The following ARFIP1 variants were observed in gnomAD, a reference collection of about 807,000 sequenced individuals.
The protein encoded by ARFIP1 is ARF interacting protein 1.
In ARFIP1, 24 loss-of-function variants were observed where a neutral mutation model predicts 42.5. The observed-to-expected ratio is 0.57, with a 90% CI of 0.41 to 0.80. The LOEUF is 0.80. ARFIP1 is among the 30% of genes least tolerant of loss of function. The pLI is 0.00. For missense variants in ARFIP1, 354 were observed against 434.0 expected (o/e 0.82, Z 1.64); for synonymous variants, 141 against 153.7 (o/e 0.92, Z 0.61).
intron 1 of ARFIP1, among the ~76,000 whole-genome samples, chr4:152,782,969 C>T (rs767359814): frequency 6.6e-6 from 1 of 152,112 alleles, no homozygotes; most frequent in African/African-American, 2.4e-5. Context: ...AAGTTTTCCT[C>T]TGTCTAGCAA....
chr4:152,785,550 G>C (rs1046055132), intron 1 of ARFIP1, among the ~76,000 whole-genome samples: 1 of 152,160 alleles, frequency 6.6e-6, no homozygotes, highest in Non-Finnish European at 1.5e-5. Flanking sequence ...CGATCTTCCC[G>C]CCTTGGCCTC....
chr4:152,823,615 C>T (rs1030933336), intron 1 of ARFIP1, among the ~76,000 whole-genome samples: 1 of 151,508 alleles, frequency 6.6e-6, no homozygotes, highest in African/African-American at 2.4e-5. Flanking sequence ...CCCGTCTCTA[C>T]TAAAAATACA....
At chr4:152,880,039 T>G (rs1735695585) in intron 5 of ARFIP1, among the ~76,000 whole-genome samples, 1 of 151,974 alleles carries the variant, frequency 6.6e-6, no homozygotes, top group Non-Finnish European at 1.5e-5. Context: ...TTAGATACTT[T>G]TTAAAAATTA....
intron 2 of ARFIP1, among the ~76,000 whole-genome samples, chr4:152,834,310 T>C (rs1731477918): frequency 6.6e-6 from 1 of 152,138 alleles, no homozygotes; most frequent in South Asian, 2.1e-4. Flanking sequence ...TTCTCACATT[T>C]CAAAATGTAG....
chr4:152,797,051 T>C (rs1731514776), intron 1 of ARFIP1, among the ~76,000 whole-genome samples: 2 of 152,232 alleles, frequency 1.3e-5, no homozygotes, highest in African/African-American at 2.4e-5. Flanking sequence ...CCTTTCCCTA[T>C]ACCAACTTTG....
chr4:152,787,396 G>T (rs1730870894), intron 1 of ARFIP1, among the ~76,000 whole-genome samples: 1 of 152,164 alleles, frequency 6.6e-6, no homozygotes, highest in African/African-American at 2.4e-5. Context: ...ATCAAAGTCA[G>T]AATGCAGGTG....
intron 5 of ARFIP1, among the ~76,000 whole-genome samples, chr4:152,876,175 G>C (rs1267197897): frequency 6.6e-6 from 1 of 152,194 alleles, no homozygotes; most frequent in Non-Finnish European, 1.5e-5. Context: ...AGCGACTGTG[G>C]AACTGGGTAA....
chr4:152,905,734 G>A (rs1180424967), intron 8 of ARFIP1, among the ~76,000 whole-genome samples: 1 of 151,228 alleles, frequency 6.6e-6, no homozygotes, highest in Admixed American at 6.6e-5. Flanking sequence ...TATATTTTTA[G>A]TAGAGACAGG....
intron 1 of ARFIP1, among the ~76,000 whole-genome samples, chr4:152,790,973 A>G (rs903316546): frequency 6.6e-5 from 10 of 151,840 alleles, no homozygotes; most frequent in Non-Finnish European, 1.2e-4. Context: ...CCTGGGCTTA[A>G]GTGATCCACT....
At chr4:152,788,821 T>C (rs1212328903) in intron 1 of ARFIP1, among the ~76,000 whole-genome samples, 3 of 101,200 alleles carry the variant, frequency 3.0e-5, no homozygotes, top group East Asian at 2.8e-4. Context: ...TTTTTTTTTT[T>C]CTGTTCAAGG....
chr4:152,866,532 G>A (rs1734368558), intron 3 of ARFIP1, among the ~76,000 whole-genome samples: 1 of 104,736 alleles, frequency 9.5e-6, no homozygotes, highest in African/African-American at 4.0e-5. Context: ...CGGGGCGGCT[G>A]GCCGCGCGGG....
chr4:152,848,113 C>T (rs1732709648), intron 2 of ARFIP1, among the ~76,000 whole-genome samples: 2 of 152,042 alleles, frequency 1.3e-5, no homozygotes, highest in Non-Finnish European at 2.9e-5. Context: ...ATCTCGGAGT[C>T]TCACTATGTT....
intron 7 of ARFIP1, 143 bp downstream of exon 7, chr4:152,883,023 A>C: frequency 2.5e-6 from 2 of 811,948 alleles, no homozygotes; most frequent in Non-Finnish European, 3.7e-6. Context: ...ATGCCTCTAC[A>C]GACCTGGCAG....
At chr4:152,789,993 CTA>C (rs1731056509) in intron 1 of ARFIP1, among the ~76,000 whole-genome samples, 1 of 152,182 alleles carries the variant, frequency 6.6e-6, no homozygotes, top group Non-Finnish European at 1.5e-5. Context: ...TATCTGGGCA[CTA>C]TGTTTGCTCA....
chr4:152,859,448 C>T (rs184665438), intron 2 of ARFIP1, among the ~76,000 whole-genome samples: 36 of 152,256 alleles, frequency 2.4e-4, no homozygotes, highest in African/African-American at 8.4e-4. Context: ...TCTAGAATTC[C>T]TCAGATGCCT....
chr4:152,870,258 G>A (rs1285561896), intron 3 of ARFIP1, among the ~76,000 whole-genome samples: 1 of 152,142 alleles, frequency 6.6e-6, no homozygotes, highest in African/African-American at 2.4e-5. Context: ...GAAATTTTTG[G>A]CTACAATTCC....
At chr4:152,803,442 A>G (rs1397389770) in intron 1 of ARFIP1, among the ~76,000 whole-genome samples, 2 of 152,136 alleles carry the variant, frequency 1.3e-5, no homozygotes, top group Non-Finnish European at 2.9e-5. Flanking sequence ...AGCATTGTAC[A>G]ATGTTTTCCA....
intron 2 of ARFIP1, among the ~76,000 whole-genome samples, chr4:152,835,850 A>G (rs1731604722): frequency 6.6e-6 from 1 of 152,224 alleles, no homozygotes; most frequent in Non-Finnish European, 1.5e-5. Flanking sequence ...GAGGGCCTCA[A>G]GAAGTTTCCA....
intron 5 of ARFIP1, among the ~76,000 whole-genome samples, chr4:152,879,785 A>G (rs1735675987): frequency 1.3e-5 from 2 of 152,158 alleles, no homozygotes; most frequent in Non-Finnish European, 2.9e-5. Flanking sequence ...GGAGGTGGAG[A>G]TTGTGGTGAG....
Sources: gnomAD v4.1 joint callset for allele counts (sites outside exome capture counted in the v4.1 genomes callset) on GRCh38, gnomAD v4.1.1 for gene constraint, MANE v1.5 for transcripts, NCBI Gene and HGNC (gene_info 2026-07-23, HGNC 2026-07-21) for gene names.